PCDHGA10: variants seen among roughly 807,000 people sequenced by gnomAD.
PCDHGA10 encodes protocadherin gamma subfamily A, 10.
PCDHGA10 carries 42 observed loss-of-function variants against 59.5 expected under a neutral mutation model. The observed-to-expected ratio is 0.71, with a 90% CI of 0.55 to 0.91. PCDHGA10 has a LOEUF of 0.91. Ranked by LOEUF, PCDHGA10 falls within the 40% of genes least tolerant of loss-of-function variation. The probability of loss-of-function intolerance (pLI) is 0.00; values close to 1 mark genes in which losing one functional copy is unlikely to be tolerated. For synonymous variants in PCDHGA10, 511 were observed against 517.2 expected (o/e 0.99, Z 0.16); for missense variants, 1,111 against 1,198.2 (o/e 0.93, Z 1.07).
At chr5:141,439,737 A>T (rs947754447) in intron 1 of PCDHGA10, 4 of 152,382 alleles carry the variant, frequency 2.6e-5, no homozygotes, top group Non-Finnish European at 5.9e-5. Flanking sequence ...CAGGAACGGA[A>T]CGGATTTACA....
intron 1 of PCDHGA10, chr5:141,427,927 T>C (rs1238523389): frequency 6.3e-7 from 1 of 1,580,112 alleles, no homozygotes; most frequent in Non-Finnish European, 8.7e-7. Context: ...AGCCGGCGCA[T>C]GTTGGTGGGC....
intron 1 of PCDHGA10, chr5:141,418,388 T>C: frequency 6.2e-7 from 1 of 1,613,942 alleles, no homozygotes; most frequent in Non-Finnish European, 8.5e-7. Flanking sequence ...TCCTAACGAG[T>C]ATTTCTCATT....
intron 1 of PCDHGA10, among the ~76,000 whole-genome samples, chr5:141,470,152 T>C (rs546219809): frequency 2.6e-5 from 4 of 152,308 alleles, no homozygotes; most frequent in African/African-American, 9.6e-5. Context: ...ATAGATCATC[T>C]TATCAAATCA....
chr5:141,509,371 T>C (rs2099876508), intron 3 of PCDHGA10, among the ~76,000 whole-genome samples: 1 of 152,258 alleles, frequency 6.6e-6, no homozygotes, highest in South Asian at 2.1e-4. Context: ...AGGTTTTAAC[T>C]GTCTCCTAAC....
intron 1 of PCDHGA10, among the ~76,000 whole-genome samples, chr5:141,449,869 T>G (rs1003364964): frequency 6.6e-6 from 1 of 151,924 alleles, no homozygotes; most frequent in African/African-American, 2.4e-5. Flanking sequence ...ATCAGAAAAT[T>G]TAACATCAAT....
In PCDHGA10 at chr5:141,432,540, T is replaced by C. The variant is rs147884705; in HGVS notation, c.2436+16929T>C. The C allele has an allele frequency of 1.2e-6, 2 of 1,613,726 alleles. No homozygotes were observed. The highest frequency in any genetic ancestry group is 2.2e-5 in the South Asian group (2 of 91,058). On this transcript the variant is annotated intron_variant, in intron 1 of 3. Transcript: ENST00000398610. The surrounding 1 kb of genome is among the most constrained non-coding windows in gnomAD (Gnocchi z 6.0). ...TACCTGGTGACCAAGGTGGTGGCGG[T>C]GGACAGAGACTCCGGCCAGAACGCC...
intron 1 of PCDHGA10, among the ~76,000 whole-genome samples, chr5:141,457,477 C>A (rs964080100): frequency 2.0e-5 from 3 of 152,134 alleles, no homozygotes; most frequent in African/African-American, 7.2e-5. Context: ...TAAGCAGGGC[C>A]AGGGTTAGTC....
At chr5:141,462,062 A>T (rs957948334) in intron 1 of PCDHGA10, among the ~76,000 whole-genome samples, 3 of 152,168 alleles carry the variant, frequency 2.0e-5, no homozygotes, top group African/African-American at 2.4e-5. Context: ...ACCTCAGGTG[A>T]TCTGCCCGCC....
intron 1 of PCDHGA10, among the ~76,000 whole-genome samples, chr5:141,468,738 T>C (rs965510711): frequency 3.0e-4 from 46 of 151,958 alleles, no homozygotes; most frequent in South Asian, 2.1e-3. Flanking sequence ...TGGTGGCGGG[T>C]GCCTGTAGTC....
At position 141,432,579 on chromosome 5, in the gene PCDHGA10, G is replaced by T; in HGVS notation, c.2436+16968G>T. On this transcript the variant is annotated intron_variant, in intron 1 of 3. Coordinates refer to ENST00000398610, the MANE Select transcript of PCDHGA10 (RefSeq NM_018913.3). This position sits in a 1 kb window ranked among gnomAD's most constrained non-coding sequence, Gnocchi z 6.0. ...GGCCAGAACGCCTGGCTGTCCTACC[G>T]TCTGCTCAAGGCCAGCGAGCCGGGA... is the stretch of plus-strand genomic sequence containing the variant. 1 of 1,613,860 alleles carries T rather than the reference G, an allele frequency of 6.2e-7. No homozygotes were observed. Among genetic ancestry groups the T allele is most frequent in the Non-Finnish European group, 8.5e-7 (1 of 1,179,984 alleles).
At chr5:141,422,515 AGCCCGC>A in intron 1 of PCDHGA10, 1 of 1,614,044 alleles carries the variant, frequency 6.2e-7, no homozygotes, top group Non-Finnish European at 8.5e-7. Flanking sequence ...AGACCAGGGA[AGCCCGC>A]CTTTGTCTGC....
At chr5:141,438,621 T>C (rs1164140266) in intron 1 of PCDHGA10, among the ~76,000 whole-genome samples, 4 of 41,368 alleles carry the variant, frequency 9.7e-5, no homozygotes, top group Admixed American at 3.5e-4. Flanking sequence ...TATATATATA[T>C]ATATATATAT....
chr5:141,422,422 T>TA, intron 1 of PCDHGA10: 1 of 1,607,804 alleles, frequency 6.2e-7, no homozygotes, highest in Non-Finnish European at 8.5e-7. Flanking sequence ...AGAAAAGACT[T>TA]ATGGAAATTA....
At chr5:141,509,015 C>G (rs1370464396) in intron 3 of PCDHGA10, among the ~76,000 whole-genome samples, 2 of 152,098 alleles carry the variant, frequency 1.3e-5, no homozygotes, top group African/African-American at 4.8e-5. Context: ...AAGTGGGCAG[C>G]TGCTCCCTCC....
intron 1 of PCDHGA10, chr5:141,427,889 G>A: frequency 1.3e-6 from 2 of 1,566,516 alleles, no homozygotes; most frequent in Non-Finnish European, 1.7e-6. Context: ...CCCACGACCA[G>A]GGCTCGCCCG....
At chr5:141,421,355 G>A in intron 1 of PCDHGA10, 1 of 1,613,990 alleles carries the variant, frequency 6.2e-7, no homozygotes, top group East Asian at 2.2e-5. Flanking sequence ...ACCGAAAAGG[G>A]CTCCTTCGTG....
intron 1 of PCDHGA10, among the ~76,000 whole-genome samples, chr5:141,460,135 T>G (rs2098983196): frequency 6.6e-6 from 1 of 152,044 alleles, no homozygotes; most frequent in South Asian, 2.1e-4. Flanking sequence ...ATATATATAT[T>G]CTTGATGTGA....
chr5:141,415,657 G>C, intron 1 of PCDHGA10, 46 bp downstream of exon 1: 1 of 1,576,238 alleles, frequency 6.3e-7, no homozygotes, highest in Non-Finnish European at 8.6e-7. Context: ...AAAAAAGATT[G>C]GTTTTTACTT....
At position 141,414,938 on chromosome 5, in the gene PCDHGA10, C is replaced by G. The variant is rs1407853248; in HGVS notation, c.1763C>G (p.Pro588Arg). ...GVELAPRSAEPGYLVTKVVAV... is the reference protein window; with the variant it reads ...GVELAPRSAERGYLVTKVVAV... ...GAGCTGGCGCCCCGCTCCGCAGAGC[C>G]CGGCTACCTGGTGACCAAGGTGGTG... is the stretch of plus-strand genomic sequence containing the variant. Residue 588 changes from proline to arginine, a missense_variant, in exon 1 of 4, where the codon CCC (proline) becomes CGC (arginine). By Grantham distance (103) the Pro-to-Arg change is moderately radical (BLOSUM62 -2). Transcript: ENST00000398610. 1 of 1,614,116 alleles carries G rather than the reference C, an allele frequency of 6.2e-7. No individual in the cohort carries two copies. The highest frequency in any genetic ancestry group is 1.7e-5 in the Admixed American group (1 of 60,028).
Sources: gnomAD v4.1 joint callset for allele counts (sites outside exome capture counted in the v4.1 genomes callset) on GRCh38, gnomAD v4.1.1 for gene constraint, Gnocchi (gnomAD v3.1) non-coding constraint, MANE v1.5 for transcripts, NCBI Gene and HGNC (gene_info 2026-07-23, HGNC 2026-07-21) for gene names.